Variants in EPS8 observed in about 807,000 individuals in gnomAD.
EPS8 encodes the protein EGFR pathway substrate 8, signaling adaptor.
EPS8 carries 42 observed loss-of-function variants against 103.8 expected under a neutral mutation model. The observed-to-expected ratio is 0.40, with a 90% confidence interval of 0.32 to 0.52. The LOEUF (loss-of-function observed/expected upper bound fraction) is 0.52. Ranked by LOEUF, EPS8 falls within the 20% of genes least tolerant of loss-of-function variation. The pLI, the probability that EPS8 is intolerant of heterozygous loss-of-function variation, is 0.40. For missense variants in EPS8, 969 were observed against 1,005.1 expected (o/e 0.96, Z 0.49); for synonymous variants, 344 against 344.6 (o/e 1.00, Z 0.02).
intron 1 of EPS8, among the ~76,000 whole-genome samples, chr12:15,756,803 G>T (rs940885248): frequency 1.3e-5 from 2 of 152,116 alleles, no homozygotes; most frequent in Non-Finnish European, 2.9e-5. Context: ...AAAAGATACA[G>T]TCAAACCCCT....
Position 15,785,247 on chromosome 12 carries a change from C to T in EPS8, c.-22+3914G>A, listed in dbSNP as rs1046108087. On this transcript the variant is annotated intron_variant, in intron 1 of 20. Transcript: ENST00000281172. This position sits in a 1 kb window ranked among gnomAD's most constrained non-coding sequence, Gnocchi z 4.9. ...GGAGGAAAGGTGCTTAGCTGACTAACTCTAGAAATGAGTAGAAGCTGTGAG... is the reference window on the plus strand; with the variant it reads ...GGAGGAAAGGTGCTTAGCTGACTAATTCTAGAAATGAGTAGAAGCTGTGAG... Among the ~76,000 whole-genome samples, 3 of 152,092 alleles carry T rather than the reference C, an allele frequency of 2.0e-5. No homozygotes were observed. The highest frequency in any genetic ancestry group is 7.2e-5 in the African/African-American group (3 of 41,442).
At chr12:15,741,605 T>C (rs921918010) in intron 1 of EPS8, among the ~76,000 whole-genome samples, 14 of 152,166 alleles carry the variant, frequency 9.2e-5, no homozygotes, top group African/African-American at 3.4e-4. Flanking sequence ...AGAGAGGTGA[T>C]TGGTTAGCAC....
rs757644235 is a variant in EPS8, at chr12:15,731,508, G to C, written c.-21-48536C>G. ...AAACGGGGTTTCACCGTGTAGGCCA[G>C]GCTGGTCTCGAACTCCTGACTTCAG... On this transcript the variant is annotated intron_variant, in intron 1 of 20. Coordinates refer to ENST00000281172, the MANE Select transcript of EPS8 (RefSeq NM_004447.6). This position sits in a 1 kb window ranked among gnomAD's most constrained non-coding sequence, Gnocchi z 5.1. Among the ~76,000 whole-genome samples, 1 of 152,050 alleles carries C rather than the reference G, an allele frequency of 6.6e-6. No individual in the cohort carries two copies. Among genetic ancestry groups the C allele is most frequent in the Non-Finnish European group, 1.5e-5 (1 of 68,020 alleles).
Position 15,770,412 on chromosome 12 carries a change from G to A in EPS8, c.-22+18749C>T, listed in dbSNP as rs145482353. 3.1e-3 allele frequency among the ~76,000 whole-genome samples: 466 copies of A among 151,996 alleles called. 2 individuals are homozygous for A. Among genetic ancestry groups the A allele is most frequent in the Middle Eastern group, 0.01 (3 of 294 alleles). The stretch of plus-strand genomic sequence containing the variant: ...GATTTGGTAAAAACAATGTGCTAAA[G>A]CGTGTTTTTGTAGGCCCTTTTGGGT... On this transcript the variant is annotated intron_variant, in intron 1 of 20. Coordinates refer to ENST00000281172, the MANE Select transcript of EPS8 (RefSeq NM_004447.6).
chr12:15,664,966 T>A (rs1945682228), intron 8 of EPS8: 1 of 152,166 alleles, frequency 6.6e-6, no homozygotes, highest in Non-Finnish European at 1.5e-5. Context: ...AATGCCAAGG[T>A]GAAATGATGC....
intron 18 of EPS8, among the ~76,000 whole-genome samples, chr12:15,624,942 T>C (rs953888548): frequency 1.3e-5 from 2 of 152,144 alleles, no homozygotes; most frequent in African/African-American, 2.4e-5. Context: ...CAACATTCTA[T>C]AATGTCAGCC....
chr12:15,702,689 A>AC lies in EPS8; in HGVS notation c.-21-19718dup, dbSNP rs559634558. 6.0e-4 allele frequency among the ~76,000 whole-genome samples: 88 copies of AC among 147,122 alleles called. 1 individual carries two copies. Among genetic ancestry groups the AC allele is most frequent in the African/African-American group, 2.3e-3 (84 of 36,760 alleles). On this transcript the variant is annotated intron_variant, in intron 1 of 20. Transcript: ENST00000281172. The surrounding 1 kb of genome is among the most constrained non-coding windows in gnomAD (Gnocchi z 5.1). ...CCTATATCCAAAACACATATCCAAT[A>AC]CAATATATAAATATGAAGAAAAAAA...
At position 15,752,061 on chromosome 12, in the gene EPS8, G is replaced by A. The variant is rs1170062137; in HGVS notation, c.-22+37100C>T. Among the ~76,000 whole-genome samples, 3 of 152,202 alleles carry A rather than the reference G, an allele frequency of 2.0e-5. No individual in the cohort carries two copies. The highest frequency in any genetic ancestry group is 4.4e-5 in the Non-Finnish European group (3 of 68,042). ...AGAATTTCATCATACAAGCAAGACAGAAGGCCAGTTATCAGACTGAGACAC... is the reference window on the plus strand; with the variant it reads ...AGAATTTCATCATACAAGCAAGACAAAAGGCCAGTTATCAGACTGAGACAC... On this transcript the variant is annotated intron_variant, in intron 1 of 20. Coordinates refer to ENST00000281172, the MANE Select transcript of EPS8 (RefSeq NM_004447.6). The surrounding 1 kb of genome is among the most constrained non-coding windows in gnomAD (Gnocchi z 4.4).
At chr12:15,720,803 C>T (rs1054740492) in intron 1 of EPS8, among the ~76,000 whole-genome samples, 2 of 152,136 alleles carry the variant, frequency 1.3e-5, no homozygotes, top group Admixed American at 1.3e-4. Flanking sequence ...ATGTTGCTCC[C>T]TCTGCCTGAA....
intron 1 of EPS8, among the ~76,000 whole-genome samples, chr12:15,715,969 C>G (rs1239586440): frequency 2.0e-5 from 3 of 150,706 alleles, no homozygotes; most frequent in Non-Finnish European, 2.9e-5. Flanking sequence ...ATGGAGAGAA[C>G]AGCAGAAAGT....
intron 2 of EPS8, 58 bp downstream of exon 2, chr12:15,682,835 T>C (rs1946031631): frequency 2.1e-6 from 2 of 939,274 alleles, no homozygotes; most frequent in East Asian, 4.9e-5. Context: ...TATAAAACAA[T>C]TAAAATCACC....
chr12:15,662,561 C>T (rs1945624866), intron 8 of EPS8: 1 of 986,042 alleles, frequency 1.0e-6, no homozygotes, highest in Non-Finnish European at 1.2e-6. Flanking sequence ...CAGCAGAGTG[C>T]TTCTTAAAAT....
rs1436029582 is a variant in EPS8 at position 15,650,114 on chromosome 12, C to T, written c.1434+709G>A. ...CAAAACAGCATACTCAATTTCATTCCCTCAACTTGATTCCCAAATAGGTTA... is the reference window on the plus strand; with the variant it reads ...CAAAACAGCATACTCAATTTCATTCTCTCAACTTGATTCCCAAATAGGTTA... On this transcript the variant is annotated intron_variant, in intron 14 of 20. Transcript: ENST00000281172. Among the ~76,000 whole-genome samples the T allele has an allele frequency of 2.9e-4, 44 of 152,126 alleles. 1 individual carries two copies. Among genetic ancestry groups the T allele is most frequent in the Admixed American group, 2.9e-3 (44 of 15,276 alleles).
In EPS8 at chr12:15,713,019, T is replaced by C. The variant is rs1435467954; in HGVS notation, c.-21-30047A>G. On this transcript the variant is annotated intron_variant, in intron 1 of 20. Coordinates refer to ENST00000281172, the MANE Select transcript of EPS8 (RefSeq NM_004447.6). The surrounding 1 kb of genome is among the most constrained non-coding windows in gnomAD (Gnocchi z 4.8). ...ACTGTACCAAACAAAATTTCTGATT[T>C]GGTTTCTCTAGGGCGTTAACTAAGA... 1.0e-6 allele frequency: 1 copy of C among 985,210 alleles called. No individual in the cohort carries two copies. Among genetic ancestry groups the C allele is most frequent in the East Asian group, 1.1e-4 (1 of 8,832 alleles). 61.0% of individuals were successfully genotyped at this position (985,210 alleles called of 1,614,324 possible).
At chr12:15,686,391 C>A (rs1946096010) in intron 1 of EPS8, among the ~76,000 whole-genome samples, 1 of 152,100 alleles carries the variant, frequency 6.6e-6, no homozygotes, top group Middle Eastern at 3.4e-3. Context: ...GGGTCAGCAC[C>A]CCAATCCCTG....
intron 3 of EPS8, among the ~76,000 whole-genome samples, chr12:15,679,404 T>A (rs531329155): frequency 6.6e-6 from 1 of 152,204 alleles, no homozygotes; most frequent in African/African-American, 2.4e-5. Context: ...ATTGCTTGCA[T>A]CTGATTAATT....
chr12:15,655,993 T>C (rs1945501703), intron 12 of EPS8, among the ~76,000 whole-genome samples: 1 of 152,182 alleles, frequency 6.6e-6, no homozygotes, highest in African/African-American at 2.4e-5. Context: ...GGTGTAATTT[T>C]TGAGAAAAGC....
intron 1 of EPS8, among the ~76,000 whole-genome samples, chr12:15,711,508 C>T (rs1431605297): frequency 6.6e-6 from 1 of 152,116 alleles, no homozygotes; most frequent in African/African-American, 2.4e-5. Context: ...GGGTATCTTA[C>T]TAAAGGTGGG....
Position 15,725,949 on chromosome 12 carries a change from A to G in EPS8, c.-21-42977T>C, listed in dbSNP as rs921442697. 1.3e-5 allele frequency among the ~76,000 whole-genome samples: 2 copies of G among 152,240 alleles called. No homozygotes were observed. The highest frequency in any genetic ancestry group is 1.3e-4 in the Admixed American group (2 of 15,284). On this transcript the variant is annotated intron_variant, in intron 1 of 20. Transcript: ENST00000281172. This position sits in a 1 kb window ranked among gnomAD's most constrained non-coding sequence, Gnocchi z 4.5. ...ATACACATATTAAAAGTGTACACAT[A>G]GCACATGCATACACTGAACAGCATA...
Sources: allele counts gnomAD v4.1 joint callset (sites outside exome capture counted in the v4.1 genomes callset), GRCh38; gene constraint gnomAD v4.1.1; non-coding constraint Gnocchi (gnomAD v3.1); transcripts MANE v1.5; gene names NCBI Gene and HGNC (gene_info 2026-07-23, HGNC 2026-07-21).